LINGO2: variants seen among roughly 807,000 people sequenced by gnomAD.
LINGO2 encodes leucine rich repeat and Ig domain containing 2.
LINGO2 carries 14 observed loss-of-function variants against 30.6 expected under a neutral mutation model. That is an observed-to-expected ratio of 0.46 (90% CI 0.30 to 0.72). The LOEUF (loss-of-function observed/expected upper bound fraction) is 0.72. LINGO2 is among the 30% of genes least tolerant of loss of function. The pLI is 0.07. For missense variants in LINGO2, 729 were observed against 751.7 expected (o/e 0.97, Z 0.35); for synonymous variants, 317 against 288.5 (o/e 1.10, Z -1.00).
the LINGO2 span, among the ~76,000 whole-genome samples, chr9:29,056,256 GCATCTAT>G: frequency 6.6e-6 from 1 of 152,022 alleles, no homozygotes; most frequent in Admixed American, 6.6e-5. Context: ...ATCCACGCCA[GCATCTAT>G]TATTTTTTGA....
At chr9:29,125,311 T>C in the LINGO2 span, among the ~76,000 whole-genome samples, 5 of 152,110 alleles carry the variant, frequency 3.3e-5, no homozygotes, top group South Asian at 1.0e-3. Context: ...CTAATGCATG[T>C]GGGGCTTAAA....
intron 4 of LINGO2, among the ~76,000 whole-genome samples, chr9:28,029,965 GA>G (rs1823586210): frequency 6.6e-6 from 1 of 152,182 alleles, no homozygotes; most frequent in Admixed American, 6.6e-5. Context: ...TTCAAGTGAA[GA>G]GCGTAAGAAA....
At chr9:28,648,397 T>G (rs901932260) in intron 1 of LINGO2, among the ~76,000 whole-genome samples, 4 of 152,252 alleles carry the variant, frequency 2.6e-5, no homozygotes, top group African/African-American at 9.6e-5. Context: ...GATCGGTCAA[T>G]GCATCTTCAC....
At chr9:28,123,782 G>C (rs1216236691) in intron 4 of LINGO2, among the ~76,000 whole-genome samples, 1 of 151,684 alleles carries the variant, frequency 6.6e-6, no homozygotes, top group Non-Finnish European at 1.5e-5. Context: ...TCCTGCCTCA[G>C]CCTCCTGAGT....
intron 4 of LINGO2, among the ~76,000 whole-genome samples, chr9:28,085,653 G>T (rs1825888987): frequency 6.6e-6 from 1 of 152,068 alleles, no homozygotes. Context: ...CTATAATATA[G>T]AAATATTCCA....
chr9:28,911,820 T>C, the LINGO2 span, among the ~76,000 whole-genome samples: 1 of 152,080 alleles, frequency 6.6e-6, no homozygotes, highest in East Asian at 1.9e-4. Context: ...GTTCTCTCCA[T>C]CTAGTTCAAC....
At chr9:28,284,454 A>G (rs1823436119) in intron 4 of LINGO2, among the ~76,000 whole-genome samples, 2 of 152,140 alleles carry the variant, frequency 1.3e-5, no homozygotes, top group South Asian at 2.1e-4. Context: ...TTCTCCTAAT[A>G]TGGTTTTAGA....
At chr9:28,236,925 T>C (rs896993230) in intron 4 of LINGO2, among the ~76,000 whole-genome samples, 2 of 152,158 alleles carry the variant, frequency 1.3e-5, no homozygotes, top group Admixed American at 6.6e-5. Context: ...GACAATACTT[T>C]AGGGGTTGAA....
chr9:28,984,560 T>C, the LINGO2 span, among the ~76,000 whole-genome samples: 1 of 152,074 alleles, frequency 6.6e-6, no homozygotes, highest in Non-Finnish European at 1.5e-5. Flanking sequence ...ATTACTATTG[T>C]ACTGTTTGGA....
chr9:28,804,813 C>A, the LINGO2 span, among the ~76,000 whole-genome samples: 1 of 152,052 alleles, frequency 6.6e-6, no homozygotes, highest in South Asian at 2.1e-4. Flanking sequence ...ATCATTTTTA[C>A]CATTTTTATT....
the LINGO2 span, among the ~76,000 whole-genome samples, chr9:28,877,176 A>G: frequency 3.3e-5 from 5 of 151,100 alleles, no homozygotes; most frequent in South Asian, 4.2e-4. Context: ...AGTAGGTTGC[A>G]AAAATTTTCT....
At chr9:28,216,497 C>T (rs897424076) in intron 4 of LINGO2, among the ~76,000 whole-genome samples, 3 of 151,890 alleles carry the variant, frequency 2.0e-5, no homozygotes, top group African/African-American at 4.8e-5. Flanking sequence ...ATTGCAATGG[C>T]GGTTGCATTG....
intron 4 of LINGO2, among the ~76,000 whole-genome samples, chr9:28,038,484 G>T (rs1824046742): frequency 6.6e-5 from 10 of 152,108 alleles, no homozygotes; most frequent in Admixed American, 6.5e-4. Context: ...ACGAGGTCAG[G>T]AGATCGAGAC....
intron 5 of LINGO2, among the ~76,000 whole-genome samples, chr9:27,959,296 T>C (rs1289747674): frequency 6.6e-6 from 1 of 152,124 alleles, no homozygotes; most frequent in African/African-American, 2.4e-5. Context: ...TATTTGACTA[T>C]TTATTTTGTC....
the LINGO2 span, among the ~76,000 whole-genome samples, chr9:28,982,474 A>G: frequency 8.6e-5 from 13 of 150,532 alleles, no homozygotes; most frequent in South Asian, 4.2e-4. Flanking sequence ...TCTAAGTCCT[A>G]TGGAGATTTG....
At chr9:28,657,226 T>C (rs1265918650) in intron 1 of LINGO2, among the ~76,000 whole-genome samples, 3 of 152,096 alleles carry the variant, frequency 2.0e-5, no homozygotes, top group Non-Finnish European at 2.9e-5. Flanking sequence ...TTTTTAAGTG[T>C]ATAATTTAAT....
chr9:28,457,017 A>G (rs1824876499), intron 2 of LINGO2, among the ~76,000 whole-genome samples: 1 of 152,170 alleles, frequency 6.6e-6, no homozygotes, highest in Non-Finnish European at 1.5e-5. Context: ...GAGAGAGAGT[A>G]CATTCCTGAA....
At chr9:28,280,390 A>C (rs960524602) in intron 4 of LINGO2, among the ~76,000 whole-genome samples, 5 of 152,196 alleles carry the variant, frequency 3.3e-5, no homozygotes, top group African/African-American at 1.2e-4. Context: ...ATGGGAATAC[A>C]AACATGAAAA....
At chr9:28,966,377 T>C in the LINGO2 span, among the ~76,000 whole-genome samples, 1 of 152,110 alleles carries the variant, frequency 6.6e-6, no homozygotes, top group African/African-American at 2.4e-5. Flanking sequence ...ATGTGGCTTG[T>C]TTTCCAAAGA....
Sources: gnomAD v4.1 joint callset for allele counts (sites outside exome capture counted in the v4.1 genomes callset) on GRCh38, gnomAD v4.1.1 for gene constraint, MANE v1.5 for transcripts, NCBI Gene and HGNC (gene_info 2026-07-23, HGNC 2026-07-21) for gene names.